Variants in ETS1 observed in about 807,000 individuals in gnomAD.
ETS1 encodes protein C-ets-1.
ETS1 carries 15 observed loss-of-function variants against 58.6 expected under a neutral mutation model. The observed-to-expected ratio is 0.26, with a 90% CI of 0.17 to 0.39. The LOEUF (loss-of-function observed/expected upper bound fraction) is 0.39. Among genes scored for constraint, ETS1 ranks in the 10% least tolerant of loss-of-function variants. ETS1 has a pLI of 1.00. For synonymous variants in ETS1, 214 were observed against 218.2 expected (o/e 0.98, Z 0.17); for missense variants, 417 against 610.5 (o/e 0.68, Z 3.34).
At chr11:128,504,959 G>A (rs1404467940) in intron 3 of ETS1, 2 of 152,230 alleles carry the variant, frequency 1.3e-5, no homozygotes, top group Non-Finnish European at 2.9e-5. Flanking sequence ...AGGTGGAAAA[G>A]CTTCCTCCTA....
intron 1 of ETS1, among the ~76,000 whole-genome samples, chr11:128,585,865 C>G (rs1158376617): frequency 6.6e-6 from 1 of 152,180 alleles, no homozygotes; most frequent in Non-Finnish European, 1.5e-5. Context: ...CTTCTCCGAC[C>G]CAGCGCTGGT....
intron 3 of ETS1, among the ~76,000 whole-genome samples, chr11:128,546,879 T>C (rs895580409): frequency 1.4e-4 from 21 of 152,330 alleles, no homozygotes; most frequent in African/African-American, 5.1e-4. Context: ...ACGCAGATCA[T>C]AGTGTGACTT....
intron 8 of ETS1, among the ~76,000 whole-genome samples, chr11:128,466,086 A>G (rs1862025982): frequency 6.6e-6 from 1 of 152,206 alleles, no homozygotes; most frequent in South Asian, 2.1e-4. Context: ...TTCTCACAGC[A>G]GTTGCAGGAC....
chr11:128,535,435 G>A (rs1020532897), intron 3 of ETS1, among the ~76,000 whole-genome samples: 3 of 152,128 alleles, frequency 2.0e-5, no homozygotes, highest in African/African-American at 7.2e-5. Flanking sequence ...CATTTAATTA[G>A]ATTCCATTTG....
At chr11:128,569,318 CTTTTT>C (rs398018017) in intron 2 of ETS1, among the ~76,000 whole-genome samples, 13 of 39,464 alleles carry the variant, frequency 3.3e-4, no homozygotes, top group Admixed American at 1.1e-3. Context: ...AGAGTTTCTT[CTTTTT>C]TTTTTTTTTT....
chr11:128,580,931 C>T (rs986491025), intron 1 of ETS1, among the ~76,000 whole-genome samples: 6 of 152,144 alleles, frequency 3.9e-5, no homozygotes, highest in Non-Finnish European at 7.4e-5. Context: ...TGACATAGCT[C>T]AACGAATCCT....
chr11:128,514,613 A>G (rs1298616309), intron 3 of ETS1, among the ~76,000 whole-genome samples: 2 of 152,142 alleles, frequency 1.3e-5, no homozygotes, highest in Non-Finnish European at 2.9e-5. Flanking sequence ...GAAAATACCA[A>G]CAGTCATTGA....
intron 2 of ETS1, among the ~76,000 whole-genome samples, chr11:128,559,702 T>C (rs186452618): frequency 6.6e-6 from 1 of 152,346 alleles, no homozygotes; most frequent in Admixed American, 6.5e-5. Flanking sequence ...AGACATTTCA[T>C]GAACTGACTT....
chr11:128,482,821 A>T (rs1196647002), intron 7 of ETS1, among the ~76,000 whole-genome samples: 1 of 152,128 alleles, frequency 6.6e-6, no homozygotes, highest in East Asian at 1.9e-4. Context: ...CTCCTTCCAA[A>T]GCTATCTGAG....
At chr11:128,478,782 C>T (rs1458095619) in intron 8 of ETS1, among the ~76,000 whole-genome samples, 1 of 152,188 alleles carries the variant, frequency 6.6e-6, no homozygotes, top group Non-Finnish European at 1.5e-5. Context: ...TGACTTAATA[C>T]ACTTTTCCTC....
chr11:128,560,248 G>A (rs567592919), intron 2 of ETS1, among the ~76,000 whole-genome samples: 1 of 152,276 alleles, frequency 6.6e-6, no homozygotes, highest in Admixed American at 6.5e-5. Flanking sequence ...AAGAACCTGG[G>A]ATTAAAGGCA....
chr11:128,463,404 G>A lies in ETS1; in HGVS notation c.1242+105C>T, dbSNP rs1861953698. 2.8e-6 allele frequency: 2 copies of A among 717,268 alleles called. No individual in the cohort carries two copies. Among genetic ancestry groups the A allele is most frequent in the Middle Eastern group, 3.9e-4 (1 of 2,574 alleles). The allele number at this position is 717,268 out of a possible 1,614,324, so 44.4% of individuals were successfully genotyped here. A position where few individuals can be genotyped will look rare whatever the true frequency, so the allele number is the denominator to read the frequency against. ...GCTCCGGGTGGCAAGTGGCAGAGCT[G>A]GGAATCCCAATCCTGGAACACGTCA... On this transcript the variant is annotated intron_variant, in intron 9 of 9. Coordinates refer to ENST00000392668, the MANE Select transcript of ETS1 (RefSeq NM_001143820.2). The surrounding 1 kb of genome is among the most constrained non-coding windows in gnomAD (Gnocchi z 4.1).
At chr11:128,521,028 C>T (rs1441449850) in intron 3 of ETS1, among the ~76,000 whole-genome samples, 1 of 151,972 alleles carries the variant, frequency 6.6e-6, no homozygotes, top group African/African-American at 2.4e-5. Context: ...CTGGCAGTGC[C>T]TTATCCTAAA....
At chr11:128,538,626 C>A (rs1035049302) in intron 3 of ETS1, among the ~76,000 whole-genome samples, 1 of 152,108 alleles carries the variant, frequency 6.6e-6, no homozygotes, top group Non-Finnish European at 1.5e-5. Flanking sequence ...GTTAATAATT[C>A]ACAGAATCTT....
intron 3 of ETS1, among the ~76,000 whole-genome samples, chr11:128,540,946 T>C (rs952711898): frequency 4.6e-5 from 7 of 152,068 alleles, no homozygotes; most frequent in African/African-American, 1.4e-4. Flanking sequence ...AGAGCCGGAG[T>C]GGCCACTCTT....
At chr11:128,526,900 T>C in intron 3 of ETS1, 1 of 456,124 alleles carries the variant, frequency 2.2e-6, no homozygotes, top group Non-Finnish European at 4.4e-6. Context: ...AGGTGAAAAA[T>C]GAGTGTGAGT....
intron 7 of ETS1, among the ~76,000 whole-genome samples, chr11:128,481,015 T>A (rs1370467346): frequency 6.6e-6 from 1 of 152,210 alleles, no homozygotes; most frequent in Non-Finnish European, 1.5e-5. Flanking sequence ...TTTAGCATTT[T>A]TCCCAAATAC....
chr11:128,486,821 C>T (rs1407918503), intron 5 of ETS1, among the ~76,000 whole-genome samples: 1 of 152,230 alleles, frequency 6.6e-6, no homozygotes, highest in Non-Finnish European at 1.5e-5. Context: ...CACCTGCGGA[C>T]AGAAAGCTCT....
intron 3 of ETS1, among the ~76,000 whole-genome samples, chr11:128,495,442 G>A (rs916802531): frequency 6.6e-6 from 1 of 152,170 alleles, no homozygotes; most frequent in African/African-American, 2.4e-5. Context: ...GCCATTTACA[G>A]AATCAACTAT....
Sources: gnomAD v4.1 joint callset for allele counts (sites outside exome capture counted in the v4.1 genomes callset) on GRCh38, gnomAD v4.1.1 for gene constraint, Gnocchi (gnomAD v3.1) non-coding constraint, MANE v1.5 for transcripts, NCBI Gene and HGNC (gene_info 2026-07-23, HGNC 2026-07-21) for gene names.